PMVK: variants seen among roughly 807,000 people sequenced by gnomAD.
PMVK encodes the protein phosphomevalonate kinase, also known as testis tissue sperm-binding protein Li 95mP.
Under a neutral mutation model 19.0 loss-of-function variants are expected in PMVK, and 10 were observed. The ratio of observed to expected loss-of-function variants is 0.53; its 90% CI spans 0.32 to 0.89. The LOEUF is 0.89. PMVK is among the 40% of genes least tolerant of loss of function. The probability of loss-of-function intolerance (pLI) is 0.03; values close to 1 mark genes in which losing one functional copy is unlikely to be tolerated. For synonymous variants in PMVK, 108 were observed against 101.6 expected (o/e 1.06, Z -0.38); for missense variants, 222 against 251.1 (o/e 0.88, Z 0.78).
In PMVK at chr1:154,925,014, C is replaced by A; in HGVS notation, c.*115G>T. 1.1e-6 allele frequency: 1 copy of A among 924,912 alleles called. No individual in the cohort carries two copies. The highest frequency in any genetic ancestry group is 1.6e-6 in the Non-Finnish European group (1 of 636,074). The allele number at this position is 924,912 out of a possible 1,614,324, so 57.3% of individuals were successfully genotyped here. ...CAATATCCACCAACCCCCTCAGAATCTAGACCCCCCCTGTCTGTTCCTCAC... is the reference window on the plus strand; with the variant it reads ...CAATATCCACCAACCCCCTCAGAATATAGACCCCCCCTGTCTGTTCCTCAC... On this transcript the variant is annotated 3_prime_UTR_variant, in exon 5 of 5. Transcript: ENST00000368467.
intron 1 of PMVK, among the ~76,000 whole-genome samples, chr1:154,935,983 C>A (rs1654491254): frequency 6.6e-6 from 1 of 152,096 alleles, no homozygotes; most frequent in Admixed American, 6.5e-5. Context: ...ATGACCACCA[C>A]ACCCGGCCTG....
At chr1:154,932,805 T>C (rs2101971470) in intron 1 of PMVK, among the ~76,000 whole-genome samples, 1 of 152,190 alleles carries the variant, frequency 6.6e-6, no homozygotes, top group East Asian at 1.9e-4. Context: ...ACATATATCA[T>C]TTATTAATTC....
rs372574645 is a variant in PMVK, at chr1:154,926,420, T to C, written c.376A>G (p.Thr126Ala). The C allele has an allele frequency of 1.2e-6, 2 of 1,613,826 alleles. No homozygotes were observed. The highest frequency in any genetic ancestry group is 1.7e-6 in the Non-Finnish European group (2 of 1,179,976). The change falls in exon 4 of 5, where the codon ACG becomes GCG. Residue 126 changes from threonine to alanine, a missense_variant. Coordinates refer to ENST00000368467, the MANE Select transcript of PMVK (RefSeq NM_006556.4). The stretch of plus-strand genomic sequence containing the variant: ...AACGCTACAACGCGGACCGTCTGCG[T>C]CACGGCCCCATAGGCCTCCCGAAAC... ...QWFREAYGAV[T>A]QTVRVVALEQ...
At chr1:154,928,009 C>A (rs1455772547) in intron 3 of PMVK, among the ~76,000 whole-genome samples, 1 of 152,162 alleles carries the variant, frequency 6.6e-6, no homozygotes, top group Non-Finnish European at 1.5e-5. Context: ...GAAGAGATTT[C>A]ATTGCGCTTT....
chr1:154,936,973 AG>A (rs1213429748), upstream of PMVK: 1 of 382,080 alleles, frequency 2.6e-6, no homozygotes, highest in Non-Finnish European at 5.0e-6. Flanking sequence ...AGAACAGTCC[AG>A]CCCCGCCCAG....
chr1:154,935,644 CACTT>C (rs1654480461), intron 1 of PMVK, among the ~76,000 whole-genome samples: 1 of 152,132 alleles, frequency 6.6e-6, no homozygotes, highest in Non-Finnish European at 1.5e-5. Context: ...CTGGATTTGC[CACTT>C]ACTTTGTGAC....
intron 2 of PMVK, among the ~76,000 whole-genome samples, chr1:154,931,442 G>A (rs1006775444): frequency 6.6e-6 from 1 of 151,992 alleles, no homozygotes; most frequent in Non-Finnish European, 1.5e-5. Context: ...CTATTTTAAC[G>A]ATTCTATTTT....
In PMVK at chr1:154,925,191, C is replaced by T; in HGVS notation, c.517G>A (p.Val173Ile). 6.2e-7 allele frequency: 1 copy of T among 1,612,338 alleles called. No homozygotes were observed. The highest frequency in any genetic ancestry group is 8.5e-7 in the Non-Finnish European group (1 of 1,178,976). ...AACTGCTCCTCCAGGCGCTGTTCAA[C>T]TCCATGGTTCTCGATGACCCAGTCA... ...DFDWVIENHG[V>I]EQRLEEQLEN... Residue 173 changes from valine (V) to isoleucine (I), a missense_variant, in exon 5 of 5, where the codon GTT becomes ATT. Coordinates refer to ENST00000368467, the MANE Select transcript of PMVK (RefSeq NM_006556.4).
upstream of PMVK, chr1:154,936,798 G>C (rs1315675386): frequency 5.4e-6 from 5 of 930,554 alleles, no homozygotes; most frequent in Non-Finnish European, 8.2e-6. Context: ...AGGAACAATC[G>C]CGCCCCTCCT....
chr1:154,935,058 C>CAAAAAA (rs569402578), intron 1 of PMVK, among the ~76,000 whole-genome samples: 1 of 22,264 alleles, frequency 4.5e-5, no homozygotes, highest in Non-Finnish European at 1.3e-4. Flanking sequence ...GACTCCGTCT[C>CAAAAAA]AAAAAAAAAA....
At chr1:154,940,370 G>C (rs1654616521), upstream of PMVK, among the ~76,000 whole-genome samples, 1 of 152,202 alleles carries the variant, frequency 6.6e-6, no homozygotes, top group Non-Finnish European at 1.5e-5. Context: ...CCCCATGCTG[G>C]TGAGAACTCC....
rs375698500 is a variant in PMVK at position 154,925,142 on chromosome 1, C to T, written c.566G>A (p.Arg189His). 2.2e-5 allele frequency: 36 copies of T among 1,611,970 alleles called. No homozygotes were observed. The highest frequency in any genetic ancestry group is 1.0e-4 in the Admixed American group (6 of 59,604). The change falls in exon 5 of 5, where the codon CGC becomes CAC. Residue 189 changes from arginine to histidine, a missense_variant. Physicochemically the swap from Arg to His is conservative, Grantham distance 29. Coordinates refer to ENST00000368467, the MANE Select transcript of PMVK (RefSeq NM_006556.4). ...AGAACCTAGTGACTAAAGTCTGGAG[C>T]GGATAAATTCTATCAGGTTCTCCAA... Reference protein sequence around the residue: ...EQLENLIEFIRSRL With the variant: ...EQLENLIEFIHSRL
chr1:154,941,540 G>A (rs577401026), upstream of PMVK, among the ~76,000 whole-genome samples: 14 of 152,330 alleles, frequency 9.2e-5, no homozygotes, highest in East Asian at 2.7e-3. Flanking sequence ...AACCAGGCAG[G>A]ATGAGGAGAC....
At chr1:154,942,134 C>A in the PMVK span, among the ~76,000 whole-genome samples, 1 of 152,176 alleles carries the variant, frequency 6.6e-6, no homozygotes, top group East Asian at 1.9e-4. Flanking sequence ...GGGAAGCAGG[C>A]CCTACTTGGG....
In PMVK at chr1:154,925,161, T is replaced by C. The variant is rs1409507410; in HGVS notation, c.547A>G (p.Asn183Asp). The C allele has an allele frequency of 1.2e-6, 2 of 1,613,360 alleles. No homozygotes were observed. Among genetic ancestry groups the C allele is most frequent in the South Asian group, 1.1e-5 (1 of 90,988 alleles). ...VEQRLEEQLE[N>D]LIEFIRSRL ...CTGGAGCGGATAAATTCTATCAGGT[T>C]CTCCAACTGCTCCTCCAGGCGCTGT... Residue 183 changes from asparagine to aspartate, a missense_variant, in exon 5 of 5, where the codon AAC (asparagine) becomes GAC (aspartate). Transcript: ENST00000368467.
upstream of PMVK, chr1:154,937,707 C>T (rs1233353785): frequency 6.6e-6 from 1 of 152,350 alleles, no homozygotes; most frequent in East Asian, 1.9e-4. Flanking sequence ...CAACTCATTA[C>T]TGCCTCCACT....
chr1:154,936,488 G>T, intron 1 of PMVK, 103 bp downstream of exon 1: 13 of 1,508,542 alleles, frequency 8.6e-6, no homozygotes, highest in African/African-American at 1.4e-5. Flanking sequence ...CCTTGCAAAC[G>T]GACGACCCGT....
At chr1:154,942,499 C>T in the PMVK span, among the ~76,000 whole-genome samples, 3 of 152,234 alleles carry the variant, frequency 2.0e-5, no homozygotes, top group African/African-American at 4.8e-5. Flanking sequence ...GTGCGAGGAT[C>T]GCCTCCCAGG....
At chr1:154,932,327 C>A (rs749792919) in intron 2 of PMVK, 25 bp downstream of exon 2, 1 of 1,591,268 alleles carries the variant, frequency 6.3e-7, no homozygotes, top group South Asian at 1.1e-5. Flanking sequence ...GCCCAACACA[C>A]CGGATGCCAC....
Sources: gnomAD v4.1 joint callset for allele counts (sites outside exome capture counted in the v4.1 genomes callset) on GRCh38, gnomAD v4.1.1 for gene constraint, MANE v1.5 for transcripts, NCBI Gene and HGNC (gene_info 2026-07-23, HGNC 2026-07-21) for gene names.